The following PPP2R2B variants were observed in gnomAD, a reference collection of about 807,000 sequenced individuals.
The protein encoded by PPP2R2B is serine/threonine-protein phosphatase 2A 55 kDa regulatory subunit B beta isoform.
A neutral mutation model predicts 46.0 loss-of-function variants in PPP2R2B; 5 were observed. That is an observed-to-expected ratio of 0.11 (90% CI 0.06 to 0.23). The LOEUF (loss-of-function observed/expected upper bound fraction) is 0.23, where lower values mean the gene tolerates loss of function less well. Among genes scored for constraint, PPP2R2B ranks in the 10% least tolerant of loss-of-function variants. The probability of loss-of-function intolerance (pLI) is 1.00; values close to 1 mark genes in which losing one functional copy is unlikely to be tolerated. For missense variants in PPP2R2B, 367 were observed against 575.0 expected, an observed-to-expected ratio of 0.64 and a Z score of 3.70; for synonymous variants, 215 against 206.7, an observed-to-expected ratio of 1.04 and a Z score of -0.34.
chr5:146,705,941 T>C (rs1779813603), intron 2 of PPP2R2B, among the ~76,000 whole-genome samples: 1 of 152,036 alleles, frequency 6.6e-6, no homozygotes, highest in South Asian at 2.1e-4. Context: ...CTCTTTTTTT[T>C]TTTTTTGGCA....
At chr5:146,833,778 T>A (rs1250031128) in intron 2 of PPP2R2B, among the ~76,000 whole-genome samples, 1 of 134,068 alleles carries the variant, frequency 7.5e-6, no homozygotes, top group African/African-American at 2.9e-5. Flanking sequence ...GCTGCACAGC[T>A]GACAACTTCA....
chr5:146,986,201 A>G (rs993671739), intron 1 of PPP2R2B, among the ~76,000 whole-genome samples: 11 of 152,220 alleles, frequency 7.2e-5, no homozygotes, highest in African/African-American at 2.4e-4. Context: ...CAGAGAAAGA[A>G]TCTATCAGTT....
chr5:146,929,219 A>G (rs1435544255), intron 1 of PPP2R2B, among the ~76,000 whole-genome samples: 5 of 152,090 alleles, frequency 3.3e-5, no homozygotes, highest in Non-Finnish European at 7.4e-5. Flanking sequence ...TTTCTACTAT[A>G]TGATTTACTT....
intron 2 of PPP2R2B, among the ~76,000 whole-genome samples, chr5:146,717,010 G>C (rs1780535757): frequency 6.6e-6 from 1 of 152,290 alleles, no homozygotes; most frequent in African/African-American, 2.4e-5. Flanking sequence ...GACATAAATG[G>C]TTCACAACTG....
At chr5:146,652,318 T>A (rs1341377669) in intron 5 of PPP2R2B, among the ~76,000 whole-genome samples, 3 of 152,152 alleles carry the variant, frequency 2.0e-5, no homozygotes, top group Non-Finnish European at 4.4e-5. Flanking sequence ...GTTGAGATGA[T>A]CTGACCTCCA....
intron 1 of PPP2R2B, among the ~76,000 whole-genome samples, chr5:146,937,392 C>G (rs1225660324): frequency 6.6e-6 from 1 of 151,980 alleles, no homozygotes; most frequent in Non-Finnish European, 1.5e-5. Flanking sequence ...GGCAGTCTTG[C>G]TTTTGCACTT....
chr5:146,703,942 T>C (rs1779687796), intron 2 of PPP2R2B, among the ~76,000 whole-genome samples: 1 of 152,236 alleles, frequency 6.6e-6, no homozygotes, highest in South Asian at 2.1e-4. Context: ...AGTCCTTACC[T>C]TTATTTTAAT....
At chr5:147,032,716 A>G (rs180862218) in intron 1 of PPP2R2B, among the ~76,000 whole-genome samples, 17 of 152,286 alleles carry the variant, frequency 1.1e-4, no homozygotes, top group Non-Finnish European at 1.3e-4. Context: ...GTAGTATTCC[A>G]TCTTATGTAT....
intron 1 of PPP2R2B, among the ~76,000 whole-genome samples, chr5:147,042,664 G>T (rs1211870490): frequency 2.0e-5 from 3 of 152,102 alleles, no homozygotes; most frequent in Non-Finnish European, 4.4e-5. Context: ...CAAAGTCCCT[G>T]TTCTCACGGA....
intron 2 of PPP2R2B, 61 bp from the exon 3 acceptor site, chr5:146,701,203 A>G (rs1324054022): frequency 7.5e-7 from 1 of 1,329,900 alleles, no homozygotes; most frequent in East Asian, 2.3e-5. Context: ...AAGGATAGAT[A>G]ATAGATATAC....
chr5:146,899,586 G>A (rs570630705), intron 1 of PPP2R2B, among the ~76,000 whole-genome samples: 33 of 151,800 alleles, frequency 2.2e-4, no homozygotes, highest in South Asian at 6.2e-4. Context: ...TAACTAACCT[G>A]CACATTGTGC....
intron 2 of PPP2R2B, among the ~76,000 whole-genome samples, chr5:146,854,950 G>A (rs1318368433): frequency 2.6e-5 from 4 of 152,112 alleles, no homozygotes; most frequent in East Asian, 1.9e-4. Context: ...GACACAAGTC[G>A]TAAAATTTGA....
At chr5:147,051,934 G>T (rs184103189) in intron 1 of PPP2R2B, among the ~76,000 whole-genome samples, 38 of 151,342 alleles carry the variant, frequency 2.5e-4, no homozygotes, top group Admixed American at 2.2e-3. Flanking sequence ...AGCTTGAATG[G>T]CTTCTTTACA....
At chr5:147,066,635 A>T (rs909707743) in intron 2 of PPP2R2B, among the ~76,000 whole-genome samples, 1 of 152,202 alleles carries the variant, frequency 6.6e-6, no homozygotes, top group African/African-American at 2.4e-5. Flanking sequence ...TTCAATTTTA[A>T]GTTTATCAAC....
chr5:146,648,041 G>A (rs1284497745), intron 6 of PPP2R2B, among the ~76,000 whole-genome samples: 1 of 152,218 alleles, frequency 6.6e-6, no homozygotes, highest in East Asian at 1.9e-4. Context: ...CCATGGTGGA[G>A]ACTAGCTAGC....
intron 1 of PPP2R2B, among the ~76,000 whole-genome samples, chr5:146,888,613 A>G (rs1010379974): frequency 7.9e-5 from 12 of 152,130 alleles, no homozygotes; most frequent in Non-Finnish European, 1.5e-5. Context: ...TTGGCTTCCT[A>G]CACATTCAGA....
chr5:146,736,151 A>T (rs1391475157), intron 2 of PPP2R2B, among the ~76,000 whole-genome samples: 2 of 152,122 alleles, frequency 1.3e-5, no homozygotes, highest in Non-Finnish European at 2.9e-5. Context: ...CTGGGCACAC[A>T]TTATTCTCCT....
At chr5:146,848,471 G>T (rs541927190) in intron 2 of PPP2R2B, among the ~76,000 whole-genome samples, 38 of 152,102 alleles carry the variant, frequency 2.5e-4, no homozygotes, top group African/African-American at 7.7e-4. Context: ...CCTTACCTTT[G>T]ATGATCTTGA....
At chr5:146,675,334 C>A (rs1235857117) in intron 5 of PPP2R2B, among the ~76,000 whole-genome samples, 1 of 152,178 alleles carries the variant, frequency 6.6e-6, no homozygotes, top group Non-Finnish European at 1.5e-5. Context: ...GCTTTTGAAT[C>A]TTTATTGAGC....
Sources: gnomAD v4.1 joint callset for allele counts (sites outside exome capture counted in the v4.1 genomes callset) on GRCh38, gnomAD v4.1.1 for gene constraint, MANE v1.5 for transcripts, NCBI Gene and HGNC (gene_info 2026-07-23, HGNC 2026-07-21) for gene names.